NKAIN3: variants seen among roughly 807,000 people sequenced by gnomAD.
NKAIN3 encodes the protein sodium/potassium-transporting ATPase subunit beta-1-interacting protein 3.
In NKAIN3, 25 loss-of-function variants were observed where a neutral mutation model predicts 30.2. That is an observed-to-expected ratio of 0.83 (90% CI 0.60 to 1.16). The LOEUF (loss-of-function observed/expected upper bound fraction) is 1.16, where lower values mean the gene tolerates loss of function less well. Ranked by LOEUF, NKAIN3 falls within the 50% of genes most tolerant of loss-of-function variation. NKAIN3 has a pLI of 0.00. For missense variants in NKAIN3, 225 were observed against 254.1 expected, an observed-to-expected ratio of 0.89 and a Z score of 0.78; for synonymous variants, 91 against 89.6, an observed-to-expected ratio of 1.02 and a Z score of -0.09.
At chr8:62,588,910 C>T (rs1810563528) in intron 2 of NKAIN3, among the ~76,000 whole-genome samples, 1 of 151,824 alleles carries the variant, frequency 6.6e-6, no homozygotes, top group Non-Finnish European at 1.5e-5. Flanking sequence ...AGTTTGTCTG[C>T]ATAAAAAAGT....
chr8:62,380,369 T>C (rs1168555501), intron 1 of NKAIN3, among the ~76,000 whole-genome samples: 1 of 152,234 alleles, frequency 6.6e-6, no homozygotes, highest in Non-Finnish European at 1.5e-5. Context: ...AATGTCACTC[T>C]TGTATACATA....
chr8:62,486,423 CTT>C (rs1174674425), intron 1 of NKAIN3, among the ~76,000 whole-genome samples: 1 of 151,938 alleles, frequency 6.6e-6, no homozygotes, highest in African/African-American at 2.4e-5. Flanking sequence ...AAAAAAATGT[CTT>C]TGTGTAACTT....
intron 4 of NKAIN3, among the ~76,000 whole-genome samples, chr8:62,763,977 A>T (rs1232983686): frequency 6.6e-6 from 1 of 152,148 alleles, no homozygotes; most frequent in Non-Finnish European, 1.5e-5. Flanking sequence ...GTTCGGGCTG[A>T]CATCTCTCTG....
At chr8:62,912,900 ACT>A (rs559277363) in intron 4 of NKAIN3, among the ~76,000 whole-genome samples, 157 of 151,720 alleles carry the variant, frequency 1.0e-3, no homozygotes, top group African/African-American at 3.7e-3. Flanking sequence ...CAAGAGCAAA[ACT>A]CTGTCTCAAA....
chr8:62,308,884 C>G (rs373844085), intron 1 of NKAIN3, among the ~76,000 whole-genome samples: 3 of 150,224 alleles, frequency 2.0e-5, no homozygotes, highest in African/African-American at 7.6e-5. Flanking sequence ...ACTCATTGAC[C>G]AACGGGAGAT....
intron 1 of NKAIN3, among the ~76,000 whole-genome samples, chr8:62,546,112 A>C (rs981864370): frequency 6.6e-6 from 1 of 152,204 alleles, no homozygotes; most frequent in African/African-American, 2.4e-5. Flanking sequence ...TCTGGATAGC[A>C]GATGAAAAGC....
intron 4 of NKAIN3, among the ~76,000 whole-genome samples, chr8:62,897,369 AAT>A (rs1491154849): frequency 1.7e-5 from 1 of 57,836 alleles, no homozygotes; most frequent in Non-Finnish European, 2.7e-5. Context: ...CTGTTGGTGT[AAT>A]TTTTTTTTTT....
At chr8:62,765,216 C>T (rs1483458877) in intron 4 of NKAIN3, among the ~76,000 whole-genome samples, 5 of 130,976 alleles carry the variant, frequency 3.8e-5, no homozygotes, top group Non-Finnish European at 6.2e-5. Flanking sequence ...CATTGCACTC[C>T]AGCCTGGGTG....
At chr8:62,438,493 C>A (rs529265009) in intron 1 of NKAIN3, among the ~76,000 whole-genome samples, 7 of 152,138 alleles carry the variant, frequency 4.6e-5, no homozygotes, top group African/African-American at 1.4e-4. Flanking sequence ...GGTTCCCTAC[C>A]GTGTTACCTC....
chr8:62,840,025 A>G (rs56198133), intron 4 of NKAIN3, among the ~76,000 whole-genome samples: 21 of 152,220 alleles, frequency 1.4e-4, no homozygotes, highest in Non-Finnish European at 2.5e-4. Context: ...TTTTCTTTTC[A>G]TGCTTATGTA....
intron 1 of NKAIN3, among the ~76,000 whole-genome samples, chr8:62,536,006 A>G (rs1309033867): frequency 6.6e-6 from 1 of 152,174 alleles, no homozygotes. Flanking sequence ...CCATGGATGA[A>G]CACCAATATA....
At chr8:62,348,921 C>T (rs1376171773) in intron 1 of NKAIN3, among the ~76,000 whole-genome samples, 2 of 152,134 alleles carry the variant, frequency 1.3e-5, no homozygotes, top group African/African-American at 2.4e-5. Flanking sequence ...CTTGCTCGTG[C>T]CTGACTTTCA....
intron 1 of NKAIN3, among the ~76,000 whole-genome samples, chr8:62,331,973 C>A (rs1371049347): frequency 6.6e-6 from 1 of 152,040 alleles, no homozygotes; most frequent in Non-Finnish European, 1.5e-5. Context: ...CAGAAATATG[C>A]TCGGATGATC....
At chr8:62,726,831 G>T (rs542717857) in intron 3 of NKAIN3, among the ~76,000 whole-genome samples, 24 of 151,948 alleles carry the variant, frequency 1.6e-4, no homozygotes, top group African/African-American at 5.3e-4. Flanking sequence ...AAGCAGTGAG[G>T]TTACTCCCTA....
At chr8:62,464,374 G>T (rs1040284978) in intron 1 of NKAIN3, among the ~76,000 whole-genome samples, 1 of 152,186 alleles carries the variant, frequency 6.6e-6, no homozygotes, top group Admixed American at 6.5e-5. Context: ...AATTATCAAT[G>T]TCTAATCTTC....
rs1307002692 is a variant in NKAIN3, at chr8:62,589,808, G to A, written c.273+14G>A. 6.9e-7 allele frequency: 1 copy of A among 1,451,226 alleles called. No homozygotes were observed. The highest frequency in any genetic ancestry group is 1.2e-5 in the South Asian group (1 of 86,668). 89.9% of individuals were successfully genotyped at this position (1,451,226 alleles called of 1,614,324 possible). On this transcript the variant is annotated intron_variant, in intron 3 of 6. Transcript: ENST00000623646. ...GGACTCTCAAAGGTGAGTTTATCAT[G>A]CTTTTAAAGTACACTTTAAAATGAG...
chr8:62,538,708 G>T (rs1049920500), intron 1 of NKAIN3, among the ~76,000 whole-genome samples: 1 of 152,130 alleles, frequency 6.6e-6, no homozygotes, highest in South Asian at 2.1e-4. Context: ...GGTCTCAGGC[G>T]AATTTGCTGT....
intron 1 of NKAIN3, among the ~76,000 whole-genome samples, chr8:62,312,754 G>A (rs1797341579): frequency 6.6e-6 from 1 of 151,524 alleles, no homozygotes; most frequent in African/African-American, 2.4e-5. Flanking sequence ...GGAGATAGAG[G>A]CTCTAGTGAG....
chr8:62,510,677 G>T (rs1403381834), intron 1 of NKAIN3, among the ~76,000 whole-genome samples: 1 of 152,146 alleles, frequency 6.6e-6, no homozygotes, highest in Admixed American at 6.6e-5. Flanking sequence ...AGAAAAGATT[G>T]AGGAGGAGGT....
Sources: allele counts gnomAD v4.1 joint callset (sites outside exome capture counted in the v4.1 genomes callset), GRCh38; gene constraint gnomAD v4.1.1; transcripts MANE v1.5; gene names NCBI Gene and HGNC (gene_info 2026-07-23, HGNC 2026-07-21).